Variants in CABIN1 observed in about 807,000 individuals in gnomAD.
The protein encoded by CABIN1 is calcineurin-binding protein cabin-1.
A neutral mutation model predicts 227.7 loss-of-function variants in CABIN1; 133 were observed. The observed-to-expected ratio is 0.58, with a 90% CI of 0.51 to 0.67. The LOEUF (loss-of-function observed/expected upper bound fraction) is 0.67, where lower values mean the gene tolerates loss of function less well. Among genes scored for constraint, CABIN1 ranks in the 30% least tolerant of loss-of-function variants. CABIN1 has a pLI of 0.00. For missense variants in CABIN1, 2,408 were observed against 2,852.5 expected, an observed-to-expected ratio of 0.84 and a Z score of 3.55; for synonymous variants, 1,086 against 1,155.1, an observed-to-expected ratio of 0.94 and a Z score of 1.21.
At chr22:24,137,465 T>C (rs112598889) in intron 29 of CABIN1, among the ~76,000 whole-genome samples, 3 of 152,200 alleles carry the variant, frequency 2.0e-5, no homozygotes, top group African/African-American at 7.2e-5. Context: ...TACAGCCTCA[T>C]GTAGGCCTGG....
intron 27 of CABIN1, among the ~76,000 whole-genome samples, chr22:24,118,230 G>C (rs541552062): frequency 6.6e-6 from 1 of 152,122 alleles, no homozygotes; most frequent in Non-Finnish European, 1.5e-5. Context: ...CTGAGGGAGA[G>C]CAGTGGGGTG....
intron 1 of CABIN1, among the ~76,000 whole-genome samples, chr22:24,035,156 A>T (rs2036773998): frequency 6.6e-6 from 1 of 152,150 alleles, no homozygotes; most frequent in Non-Finnish European, 1.5e-5. Flanking sequence ...TCAGGTTTTG[A>T]AAAAAATAAT....
intron 29 of CABIN1, among the ~76,000 whole-genome samples, chr22:24,155,365 G>C (rs1399501553): frequency 1.3e-5 from 2 of 152,248 alleles, no homozygotes; most frequent in East Asian, 3.9e-4. Flanking sequence ...TGGGGATGGG[G>C]TACTGTTGCT....
intron 1 of CABIN1, among the ~76,000 whole-genome samples, chr22:24,034,713 A>G (rs1284909159): frequency 1.3e-5 from 2 of 152,246 alleles, no homozygotes; most frequent in South Asian, 2.1e-4. Flanking sequence ...ACCAGTTTAC[A>G]TTCCCAGCAA....
At chr22:24,170,649 G>C (rs1054315243) in intron 33 of CABIN1, among the ~76,000 whole-genome samples, 8 of 152,122 alleles carry the variant, frequency 5.3e-5, no homozygotes, top group African/African-American at 1.9e-4. Flanking sequence ...CCAGTATGTG[G>C]CAGAGTCCAC....
In CABIN1 at chr22:24,050,977, A is replaced by G. The variant is rs1473374024; in HGVS notation, c.806+3A>G. Reference sequence around the variant, plus strand: ...GTGCAGCCCATTCCTTTCTTCACGTAGGTTGTCTAGCGTCTCTGGGAGTGC... The same window carrying G: ...GTGCAGCCCATTCCTTTCTTCACGTGGGTTGTCTAGCGTCTCTGGGAGTGC... On this transcript the variant is annotated splice_donor_region_variant and intron_variant, in intron 8 of 36. Coordinates refer to ENST00000263119, the MANE Select transcript of CABIN1 (RefSeq NM_012295.4). The G allele has an allele frequency of 1.2e-6, 2 of 1,614,012 alleles. No homozygotes were observed. Among genetic ancestry groups the G allele is most frequent in the Non-Finnish European group, 8.5e-7 (1 of 1,180,036 alleles).
chr22:24,056,501 A>C (rs1881465106), intron 10 of CABIN1, 141 bp downstream of exon 10: 2 of 832,902 alleles, frequency 2.4e-6, no homozygotes, highest in African/African-American at 3.4e-5. Flanking sequence ...AGATGTCTGA[A>C]GCACAAATCT....
intron 29 of CABIN1, among the ~76,000 whole-genome samples, chr22:24,148,870 C>T (rs532084015): frequency 3.3e-5 from 5 of 152,338 alleles, no homozygotes; most frequent in South Asian, 4.1e-4. Flanking sequence ...CTGCCACCAG[C>T]GGCCATCCCA....
At chr22:24,043,287 A>G (rs561716979) in intron 6 of CABIN1, among the ~76,000 whole-genome samples, 30 of 116,910 alleles carry the variant, frequency 2.6e-4, no homozygotes, top group African/African-American at 9.0e-4. Context: ...ATAAAGTAGC[A>G]TGTTTTCTGA....
intron 34 of CABIN1, among the ~76,000 whole-genome samples, chr22:24,174,633 T>C (rs1263704987): frequency 6.6e-6 from 1 of 152,042 alleles, no homozygotes; most frequent in Non-Finnish European, 1.5e-5. Context: ...TAAAGTTGGC[T>C]CAGGGTCTCC....
intron 15 of CABIN1, among the ~76,000 whole-genome samples, chr22:24,064,888 C>G (rs1440236370): frequency 1.3e-5 from 2 of 151,966 alleles, no homozygotes; most frequent in Non-Finnish European, 2.9e-5. Context: ...TAGTACAGAA[C>G]AAAATGAAAA....
chr22:24,123,015 C>T (rs1388016266), intron 28 of CABIN1, among the ~76,000 whole-genome samples: 1 of 152,158 alleles, frequency 6.6e-6, no homozygotes, highest in Non-Finnish European at 1.5e-5. Context: ...CCAGTTGCTG[C>T]ACCATTCCCC....
chr22:24,054,640 T>A (rs1601814756), intron 8 of CABIN1, among the ~76,000 whole-genome samples: 1 of 152,146 alleles, frequency 6.6e-6, no homozygotes, highest in South Asian at 2.1e-4. Context: ...GAGGGGCAGG[T>A]GGATGCCAGG....
At chr22:24,147,343 C>A (rs2045205177) in intron 29 of CABIN1, among the ~76,000 whole-genome samples, 1 of 133,132 alleles carries the variant, frequency 7.5e-6, no homozygotes, top group African/African-American at 2.8e-5. Flanking sequence ...CTCCCTCCCT[C>A]CCTGCCTCCC....
At chr22:24,070,745 G>T in intron 16 of CABIN1, 55 bp from the exon 17 acceptor site, 1 of 1,613,302 alleles carries the variant, frequency 6.2e-7, no homozygotes, top group Middle Eastern at 1.7e-4. Flanking sequence ...CTCAGGCCTT[G>T]GGCCCAGATG....
intron 27 of CABIN1, among the ~76,000 whole-genome samples, chr22:24,117,546 G>C (rs376964103): frequency 1.2e-5 from 1 of 82,128 alleles, no homozygotes; most frequent in Non-Finnish European, 2.3e-5. Context: ...TTGTTTTTTT[G>C]GGGGGGGGGT....
intron 26 of CABIN1, among the ~76,000 whole-genome samples, chr22:24,109,336 C>T (rs2042686242): frequency 6.6e-6 from 1 of 151,874 alleles, no homozygotes; most frequent in African/African-American, 2.4e-5. Flanking sequence ...GTGATCCTCC[C>T]ACCTCAGCCT....
At chr22:24,080,004 G>T (rs1354364219) in intron 19 of CABIN1, among the ~76,000 whole-genome samples, 1 of 151,714 alleles carries the variant, frequency 6.6e-6, no homozygotes, top group Non-Finnish European at 1.5e-5. Context: ...TGAGGGATGG[G>T]GGTACTTTTA....
intron 1 of CABIN1, among the ~76,000 whole-genome samples, chr22:24,023,393 A>G (rs1265655725): frequency 6.6e-6 from 1 of 152,226 alleles, no homozygotes. Flanking sequence ...TCTTTCAGGT[A>G]AAAACCTGAG....
Sources: allele counts gnomAD v4.1 joint callset (sites outside exome capture counted in the v4.1 genomes callset), GRCh38; gene constraint gnomAD v4.1.1; transcripts MANE v1.5; gene names NCBI Gene and HGNC (gene_info 2026-07-23, HGNC 2026-07-21).